MARS1: variants seen among roughly 807,000 people sequenced by gnomAD.
MARS1 encodes methionyl-tRNA synthetase 1, also known as methionine--tRNA ligase, cytoplasmic.
MARS1 carries 80 observed loss-of-function variants against 119.5 expected under a neutral mutation model. The observed-to-expected ratio is 0.67, with a 90% CI of 0.56 to 0.81. The LOEUF (loss-of-function observed/expected upper bound fraction) is 0.81, where lower values mean the gene tolerates loss of function less well. MARS1 is among the 30% of genes least tolerant of loss of function. MARS1 has a pLI of 0.00. For missense variants in MARS1, 945 were observed against 1,116.5 expected (o/e 0.85, Z 2.19); for synonymous variants, 418 against 433.4 (o/e 0.96, Z 0.44).
intron 9 of MARS1, among the ~76,000 whole-genome samples, chr12:57,499,573 C>G (rs565107897): frequency 1.4e-5 from 2 of 138,908 alleles, no homozygotes; most frequent in African/African-American, 5.5e-5. Flanking sequence ...CACTGCACTT[C>G]AGACTTGGTG....
rs368761444 is a variant in MARS1 at position 57,511,818 on chromosome 12, C to T, written c.1489C>T (p.Arg497Ter). ...RDGLKPRCITRDLKWGTPVPL... is the reference protein window; with the variant it reads ...RDGLKPRCIT ...TGGCCTCAAGCCACGCTGCATAACC[C>T]GAGACCTCAAATGGGGAACCCCTGT... The change falls in exon 12 of 21, where the codon CGA (arginine) becomes TGA (stop). Residue 497 changes from arginine (R) to a stop codon, truncating the protein, a stop_gained. Transcript: ENST00000262027. LOFTEE classifies it high-confidence loss of function. 20 of 1,614,152 alleles carry T rather than the reference C, an allele frequency of 1.2e-5. No individual in the cohort carries two copies. In the African/African-American group the frequency reaches 1.9e-4, roughly 15 times the overall value.
rs566953195 is a variant in MARS1 at position 57,504,130 on chromosome 12, A to T, written c.1294-95A>T. ...TGAGCCTGAAGCTAAACTAGATGGC[A>T]GACTGAGGAGCTAATCCTTCTCTGC... On this transcript the variant is annotated intron_variant, in intron 10 of 20. Coordinates refer to ENST00000262027, the MANE Select transcript of MARS1 (RefSeq NM_004990.4). 8 of 819,466 alleles carry T rather than the reference A, an allele frequency of 9.8e-6. No homozygotes were observed. The African/African-American group carries it at 1.0e-4, about 10-fold the overall frequency. 50.8% of individuals were successfully genotyped at this position (819,466 alleles called of 1,614,324 possible).
intron 11 of MARS1, among the ~76,000 whole-genome samples, chr12:57,508,981 C>T (rs967361086): frequency 3.3e-5 from 5 of 152,124 alleles, no homozygotes; most frequent in African/African-American, 4.8e-5. Context: ...TGGTGATTTT[C>T]CAACTCTACC....
chr12:57,511,615 T>C, intron 11 of MARS1, 83 bp from the exon 12 acceptor site: 2 of 1,477,320 alleles, frequency 1.4e-6, no homozygotes, highest in Non-Finnish European at 1.9e-6. Flanking sequence ...CAAATTGTGC[T>C]CCAAAAAGGT....
chr12:57,488,981 C>CTT (rs553599538), intron 1 of MARS1, 38 bp from the exon 2 acceptor site: 154 of 1,204,488 alleles, frequency 1.3e-4, no homozygotes, highest in East Asian at 2.1e-4. Flanking sequence ...TTTTCTTTTC[C>CTT]TTTTTTTTTT....
rs1877727356 is a variant in MARS1 at position 57,515,132 on chromosome 12, A to G, written c.2205-18A>G. ...TGTATCCTCCTGGAGGTCTTGACTA[A>G]TGTCTCCTCTTCCTCAGGCAACGGG... On this transcript the variant is annotated intron_variant, in intron 17 of 20. Transcript: ENST00000262027. 9.3e-6 allele frequency: 15 copies of G among 1,614,122 alleles called. No individual in the cohort carries two copies. The East Asian group carries it at 3.3e-4, about 36-fold the overall frequency.
chr12:57,511,996 T>C lies in MARS1; in HGVS notation c.1540-12T>C, dbSNP rs780470816. On this transcript the variant is annotated splice_polypyrimidine_tract_variant and intron_variant, in intron 12 of 20. Coordinates refer to ENST00000262027, the MANE Select transcript of MARS1 (RefSeq NM_004990.4). ...TTGGTCCCTAACATGTTTACCTCCT[T>C]CTGACCTCCAGGTATTCTATGTCTG... The C allele has an allele frequency of 6.2e-7, 1 of 1,613,476 alleles. No individual in the cohort carries two copies. Among genetic ancestry groups the C allele is most frequent in the South Asian group, 1.1e-5 (1 of 91,064 alleles).
chr12:57,507,904 C>T (rs1453480560), intron 11 of MARS1, among the ~76,000 whole-genome samples: 5 of 149,084 alleles, frequency 3.4e-5, no homozygotes, highest in Middle Eastern at 3.5e-3. Context: ...ACTTCTCAGA[C>T]GGGGCGGCTG....
intron 11 of MARS1, among the ~76,000 whole-genome samples, chr12:57,506,953 CAAGTGAACA>C (rs1241632784): frequency 1.4e-5 from 2 of 147,404 alleles, no homozygotes; most frequent in Non-Finnish European, 3.0e-5. Context: ...AGCAGATAAA[CAAGTGAACA>C]AAGGTCTCTG....
intron 7 of MARS1, among the ~76,000 whole-genome samples, chr12:57,494,322 T>G (rs1422055909): frequency 6.9e-6 from 1 of 145,078 alleles, no homozygotes; most frequent in Non-Finnish European, 1.5e-5. Flanking sequence ...ACTTCTTCTT[T>G]TTTTTCTTTT....
At chr12:57,504,202 T>TC in intron 10 of MARS1, 23 bp from the exon 11 acceptor site, 1 of 1,595,794 alleles carries the variant, frequency 6.3e-7, no homozygotes, top group Non-Finnish European at 8.6e-7. Flanking sequence ...GCCTGATCTG[T>TC]CCTCTGGAAT....
intron 7 of MARS1, 28 bp from the exon 8 acceptor site, chr12:57,498,129 C>A (rs760085855): frequency 4.8e-6 from 7 of 1,459,996 alleles, no homozygotes; most frequent in South Asian, 4.5e-5. Context: ...TCCCCCCATG[C>A]ACTGTTCTCT....
chr12:57,510,029 A>G (rs553393540), intron 11 of MARS1, among the ~76,000 whole-genome samples: 2 of 151,866 alleles, frequency 1.3e-5, no homozygotes, highest in South Asian at 2.1e-4. Context: ...ATTTTTTTCT[A>G]GAGACAGGGT....
At chr12:57,493,767 T>A (rs372088436) in intron 7 of MARS1, among the ~76,000 whole-genome samples, 1 of 990 alleles carries the variant, frequency 1.0e-3, no homozygotes, top group Non-Finnish European at 2.9e-3. Context: ...TTATATATAT[T>A]ATATATAATA....
At position 57,507,168 on chromosome 12, in the gene MARS1, G is replaced by T. The variant is rs544759493; in HGVS notation, c.1368+2869G>T. On this transcript the variant is annotated intron_variant, in intron 11 of 20. Transcript: ENST00000262027. ...TGTTTCAGAGAGCACAGGGTTGGGGGTAAGGTTATAGATCAACAGCATCCC... is the reference window on the plus strand; with the variant it reads ...TGTTTCAGAGAGCACAGGGTTGGGGTTAAGGTTATAGATCAACAGCATCCC... Among the ~76,000 whole-genome samples the T allele has an allele frequency of 4.8e-3, 736 of 152,214 alleles. 5 individuals carry two copies. Among genetic ancestry groups the T allele is most frequent in the Non-Finnish European group, 8.0e-3 (543 of 68,010 alleles).
At chr12:57,501,402 G>C (rs991118365) in intron 10 of MARS1, among the ~76,000 whole-genome samples, 1 of 152,196 alleles carries the variant, frequency 6.6e-6, no homozygotes, top group Non-Finnish European at 1.5e-5. Context: ...ATGTTGAAGG[G>C]GCTGGGCATT....
Position 57,511,761 on chromosome 12 carries a change from GCCCAGTTTATCA to G in MARS1, c.1436_1447del (p.Gln479_Thr482del), listed in dbSNP as rs1174530420. The G allele has an allele frequency of 6.2e-7, 1 of 1,614,084 alleles. No individual in the cohort carries two copies. Among genetic ancestry groups the G allele is most frequent in the Non-Finnish European group, 8.5e-7 (1 of 1,180,038 alleles). ...GCCTGGCAGTGACTGGACACCCAAT[GCCCAGTTTATCA>G]CCCGTTCTTGGCTTCGGGATGGCCT... On this transcript the variant is annotated inframe_deletion, in exon 12 of 21. Coordinates refer to ENST00000262027, the MANE Select transcript of MARS1 (RefSeq NM_004990.4).
At chr12:57,490,938 G>A (rs1176885750) in intron 7 of MARS1, among the ~76,000 whole-genome samples, 1 of 143,474 alleles carries the variant, frequency 7.0e-6, no homozygotes. Context: ...GTGCATTGGC[G>A]CGATCTCAGC....
At chr12:57,507,172 G>A (rs1479517646) in intron 11 of MARS1, among the ~76,000 whole-genome samples, 1 of 152,230 alleles carries the variant, frequency 6.6e-6, no homozygotes, top group East Asian at 1.9e-4. Context: ...TTGGGGGTAA[G>A]GTTATAGATC....
Sources: gnomAD v4.1 joint callset for allele counts (sites outside exome capture counted in the v4.1 genomes callset) on GRCh38, gnomAD v4.1.1 for gene constraint, MANE v1.5 for transcripts, NCBI Gene and HGNC (gene_info 2026-07-23, HGNC 2026-07-21) for gene names.